The following C1orf21 variants were observed in gnomAD, a reference collection of about 807,000 sequenced individuals.
C1orf21 encodes chromosome 1 open reading frame 21.
In C1orf21, 3 loss-of-function variants were observed where a neutral mutation model predicts 18.7. The ratio of observed to expected loss-of-function variants is 0.16; its 90% CI spans 0.07 to 0.42. C1orf21 has a LOEUF of 0.42. Among genes scored for constraint, C1orf21 ranks in the 10% least tolerant of loss-of-function variants. The pLI, the probability that C1orf21 is intolerant of heterozygous loss-of-function variation, is 0.99. For synonymous variants in C1orf21, 41 were observed against 46.4 expected, an observed-to-expected ratio of 0.88 and a Z score of 0.47; for missense variants, 104 against 143.6, an observed-to-expected ratio of 0.72 and a Z score of 1.41.
At chr1:184,557,745 T>G (rs1658898627) in intron 3 of C1orf21, among the ~76,000 whole-genome samples, 1 of 152,218 alleles carries the variant, frequency 6.6e-6, no homozygotes. Flanking sequence ...TCAGTTTCCA[T>G]TTAGGAAGTA....
chr1:184,445,465 T>C (rs538010563), intron 1 of C1orf21, among the ~76,000 whole-genome samples: 6 of 81,878 alleles, frequency 7.3e-5, no homozygotes, highest in Non-Finnish European at 1.1e-4. Context: ...AGGAAAAACC[T>C]ATTAATTTAT....
intron 2 of C1orf21, among the ~76,000 whole-genome samples, chr1:184,485,706 C>T (rs1476351353): frequency 2.0e-5 from 3 of 152,074 alleles, no homozygotes; most frequent in Non-Finnish European, 2.9e-5. Flanking sequence ...TGGGAGGCAG[C>T]TTGGCCAATG....
At chr1:184,418,735 G>A (rs930607642) in intron 1 of C1orf21, among the ~76,000 whole-genome samples, 3 of 152,170 alleles carry the variant, frequency 2.0e-5, no homozygotes, top group Non-Finnish European at 4.4e-5. Flanking sequence ...AGGCACTACA[G>A]AAGGCTTGGT....
rs539729376 is a variant in C1orf21 at position 184,405,177 on chromosome 1, T to C, written c.-125+17809T>C. Among the ~76,000 whole-genome samples, 11 of 152,328 alleles carry C rather than the reference T, an allele frequency of 7.2e-5. No homozygotes were observed. The East Asian group carries it at 2.1e-3, about 29-fold the overall frequency. On this transcript the variant is annotated intron_variant, in intron 1 of 5. Coordinates refer to ENST00000235307, the MANE Select transcript of C1orf21 (RefSeq NM_030806.4). ...GAATCATTATTTGGCATGTTTTTAT[T>C]AGACCCAGTGCTAATAATTCTTTTT...
intron 5 of C1orf21, among the ~76,000 whole-genome samples, chr1:184,617,003 C>T (rs1659836932): frequency 6.6e-6 from 1 of 152,220 alleles, no homozygotes; most frequent in Admixed American, 6.5e-5. Context: ...ACTCACCTGA[C>T]AGCCACTAAG....
At chr1:184,551,418 G>A (rs1658811161) in intron 3 of C1orf21, among the ~76,000 whole-genome samples, 2 of 152,188 alleles carry the variant, frequency 1.3e-5, no homozygotes, top group African/African-American at 2.4e-5. Context: ...ATTACCACAA[G>A]TAAATGGAGA....
chr1:184,511,230 G>T (rs762197127), intron 3 of C1orf21, among the ~76,000 whole-genome samples: 7 of 152,048 alleles, frequency 4.6e-5, no homozygotes, highest in African/African-American at 1.7e-4. Flanking sequence ...TTAAACCATG[G>T]ATCATACAAC....
intron 3 of C1orf21, among the ~76,000 whole-genome samples, chr1:184,512,014 T>A (rs1036376109): frequency 6.6e-6 from 1 of 151,860 alleles, no homozygotes; most frequent in African/African-American, 2.4e-5. Context: ...ATCACTTGAG[T>A]GTAAATGGGG....
At chr1:184,531,163 A>G (rs1192235312) in intron 3 of C1orf21, among the ~76,000 whole-genome samples, 5 of 152,200 alleles carry the variant, frequency 3.3e-5, no homozygotes, top group African/African-American at 4.8e-5. Context: ...GCTTACAAAT[A>G]TAAGAGAACA....
chr1:184,578,338 AT>A (rs1009885036), intron 3 of C1orf21, among the ~76,000 whole-genome samples: 1 of 152,166 alleles, frequency 6.6e-6, no homozygotes, highest in Non-Finnish European at 1.5e-5. Context: ...CTTTGGTCTT[AT>A]TTTGGATCAC....
intron 3 of C1orf21, among the ~76,000 whole-genome samples, chr1:184,580,772 ATATCT>A (rs1659264437): frequency 6.6e-6 from 1 of 152,224 alleles, no homozygotes; most frequent in Non-Finnish European, 1.5e-5. Context: ...TTTCAAACTG[ATATCT>A]TATCCTTAGT....
intron 3 of C1orf21, among the ~76,000 whole-genome samples, chr1:184,513,874 C>A (rs186133096): frequency 6.6e-6 from 1 of 152,190 alleles, no homozygotes; most frequent in African/African-American, 2.4e-5. Flanking sequence ...AAGGTCTTTA[C>A]GTTCCCTCTT....
At chr1:184,494,659 C>G (rs372939609) in intron 2 of C1orf21, among the ~76,000 whole-genome samples, 24 of 152,262 alleles carry the variant, frequency 1.6e-4, no homozygotes, top group African/African-American at 5.8e-4. Context: ...TGTACCAATA[C>G]AAGCTCCTCT....
chr1:184,499,816 T>C (rs1197660033), intron 2 of C1orf21, among the ~76,000 whole-genome samples: 1 of 152,110 alleles, frequency 6.6e-6, no homozygotes, highest in Non-Finnish European at 1.5e-5. Context: ...ACTGGCCTCA[T>C]AGGGTAGACA....
intron 3 of C1orf21, among the ~76,000 whole-genome samples, chr1:184,569,126 G>C (rs1282997791): frequency 6.6e-6 from 1 of 152,226 alleles, no homozygotes; most frequent in Non-Finnish European, 1.5e-5. Flanking sequence ...GTTCTACCCA[G>C]GATGAGAGGG....
chr1:184,614,920 C>G (rs1002795675), intron 5 of C1orf21, among the ~76,000 whole-genome samples: 3 of 152,210 alleles, frequency 2.0e-5, no homozygotes, highest in Admixed American at 2.0e-4. Context: ...GGCCTAATTC[C>G]TAACAGGCCA....
At chr1:184,440,408 TTTG>T (rs1171276180) in intron 1 of C1orf21, among the ~76,000 whole-genome samples, 1 of 151,974 alleles carries the variant, frequency 6.6e-6, no homozygotes, top group African/African-American at 2.4e-5. Flanking sequence ...CACCGGCCAT[TTTG>T]TTGTTGTTGT....
At chr1:184,407,772 G>A (rs933724010) in intron 1 of C1orf21, among the ~76,000 whole-genome samples, 4 of 152,178 alleles carry the variant, frequency 2.6e-5, no homozygotes, top group Non-Finnish European at 4.4e-5. Context: ...ATTCATGGCT[G>A]TTTGGATGCC....
intron 2 of C1orf21, among the ~76,000 whole-genome samples, chr1:184,479,460 C>T (rs549013575): frequency 1.6e-3 from 240 of 152,178 alleles, no homozygotes; most frequent in African/African-American, 4.6e-3. Flanking sequence ...ATATGTGCTA[C>T]GCAAATTTTA....
Sources: gnomAD v4.1 joint callset for allele counts (sites outside exome capture counted in the v4.1 genomes callset) on GRCh38, gnomAD v4.1.1 for gene constraint, MANE v1.5 for transcripts, NCBI Gene and HGNC (gene_info 2026-07-23, HGNC 2026-07-21) for gene names.